Variants in HMGCS2 observed in about 807,000 individuals in gnomAD.
HMGCS2 encodes hydroxymethylglutaryl-CoA synthase, mitochondrial.
Under a neutral mutation model 57.4 loss-of-function variants are expected in HMGCS2, and 50 were observed. The observed-to-expected ratio is 0.87, with a 90% confidence interval of 0.69 to 1.10. The LOEUF (loss-of-function observed/expected upper bound fraction) is 1.10. Among genes scored for constraint, HMGCS2 ranks in the 50% least tolerant of loss-of-function variants. The probability of loss-of-function intolerance (pLI) is 0.00; values close to 1 mark genes in which losing one functional copy is unlikely to be tolerated. For synonymous variants in HMGCS2, 254 were observed against 245.1 expected (o/e 1.04, Z -0.34); for missense variants, 627 against 636.5 (o/e 0.99, Z 0.16).
In HMGCS2 at chr1:119,750,914, G is replaced by A; in HGVS notation, c.1421-6C>T. The A allele has an allele frequency of 6.5e-7, 1 of 1,531,298 alleles. No homozygotes were observed. The highest frequency in any genetic ancestry group is 9.1e-7 in the Non-Finnish European group (1 of 1,104,704). The allele number at this position is 1,531,298 out of a possible 1,614,324, so 94.9% of individuals were successfully genotyped here. On this transcript the variant is annotated splice_polypyrimidine_tract_variant and splice_region_variant and intron_variant, in intron 8 of 9. Transcript: ENST00000369406. ...ACCAGGTGGGGAGAAATTCACTGTGGAATGAGGAGAAGAGGCAGTACTCAC... is the reference window on the plus strand; with the variant it reads ...ACCAGGTGGGGAGAAATTCACTGTGAAATGAGGAGAAGAGGCAGTACTCAC...
intron 1 of HMGCS2, among the ~76,000 whole-genome samples, chr1:119,765,233 T>A (rs941781976): frequency 6.6e-6 from 1 of 152,084 alleles, no homozygotes; most frequent in South Asian, 2.1e-4. Context: ...CTCAGCCTCC[T>A]GAGTAGCTGG....
intron 4 of HMGCS2, 140 bp downstream of exon 4, chr1:119,758,978 A>G: frequency 1.1e-6 from 1 of 873,876 alleles, no homozygotes; most frequent in Non-Finnish European, 1.9e-6. Context: ...CCCAGGGAAG[A>G]GTGTAAGAAA....
At chr1:119,752,471 C>T (rs12068042) in intron 8 of HMGCS2, 78 bp downstream of exon 8, 2 of 1,518,032 alleles carry the variant, frequency 1.3e-6, no homozygotes, top group Non-Finnish European at 1.8e-6. Flanking sequence ...CTACTAAATT[C>T]TAGATTTCCA....
Position 119,749,193 on chromosome 1 carries a change from A to G in HMGCS2, c.*6-352T>C, listed in dbSNP as rs1652558532. On this transcript the variant is annotated intron_variant, in intron 9 of 9. Transcript: ENST00000369406. ...TCTCATTGTTGGAAGTTCACTGCTC[A>G]TATTAATAATCAACATGAGAAAAGG... Among the ~76,000 whole-genome samples the G allele has an allele frequency of 3.3e-5, 5 of 152,340 alleles. No homozygotes were observed. The South Asian group carries it at 1.0e-3, about 32-fold the overall frequency.
intron 5 of HMGCS2, among the ~76,000 whole-genome samples, chr1:119,756,912 C>A (rs1166898851): frequency 1.3e-5 from 2 of 152,098 alleles, no homozygotes; most frequent in East Asian, 3.9e-4. Context: ...GAGGTTAATA[C>A]GATGTCTAGC....
intron 1 of HMGCS2, among the ~76,000 whole-genome samples, chr1:119,765,088 CT>C (rs891698431): frequency 4.0e-5 from 6 of 151,594 alleles, no homozygotes; most frequent in African/African-American, 1.5e-4. Context: ...GGAACTAAAT[CT>C]TTTTTTTTCT....
intron 9 of HMGCS2, 78 bp downstream of exon 9, chr1:119,750,719 C>A: frequency 1.1e-6 from 1 of 900,252 alleles, no homozygotes; most frequent in East Asian, 2.5e-5. Context: ...GCACCTGTCC[C>A]CACCTTCTCT....
At position 119,750,880 on chromosome 1, in the gene HMGCS2, G is replaced by A; in HGVS notation, c.1449C>T (p.Asn483=). 6.2e-7 allele frequency: 1 copy of A among 1,613,438 alleles called. No homozygotes were observed. Among genetic ancestry groups the A allele is most frequent in the Non-Finnish European group, 8.5e-7 (1 of 1,179,366 alleles). Residue 483 remains asparagine (N), a synonymous_variant, in exon 9 of 10, where the codon AAC becomes AAT. Coordinates refer to ENST00000369406, the MANE Select transcript of HMGCS2 (RefSeq NM_005518.4). Reference sequence around the variant, plus strand: ...GGTACCAAGTACCTGGGAAAAGGCTGTTTGTGTCACCAGGTGGGGAGAAAT... The same window carrying A: ...GGTACCAAGTACCTGGGAAAAGGCTATTTGTGTCACCAGGTGGGGAGAAAT... ...KVNFSPPGDT[N]SLFPGTWYLE...
Position 119,749,576 on chromosome 1 carries a change from C to T in HMGCS2, c.*6-735G>A, listed in dbSNP as rs1032711898. On this transcript the variant is annotated intron_variant, in intron 9 of 9. Transcript: ENST00000369406. Reference sequence around the variant, plus strand: ...AGCTCGTCCTCTCAAAGGCATCCTGCGGCCCTCAGCCCACTTGTCCACCTC... The same window carrying T: ...AGCTCGTCCTCTCAAAGGCATCCTGTGGCCCTCAGCCCACTTGTCCACCTC... Among the ~76,000 whole-genome samples the T allele has an allele frequency of 4.6e-5, 7 of 152,158 alleles. No homozygotes were observed. In the East Asian group the frequency reaches 7.7e-4, roughly 17 times the overall value.
intron 2 of HMGCS2, among the ~76,000 whole-genome samples, chr1:119,763,682 G>A (rs954620096): frequency 1.3e-5 from 2 of 152,206 alleles, no homozygotes; most frequent in African/African-American, 2.4e-5. Context: ...CCACCTAAGG[G>A]AGAAAGAGTA....
chr1:119,750,765 T>G, intron 9 of HMGCS2, 32 bp downstream of exon 9: 1 of 1,398,776 alleles, frequency 7.1e-7, no homozygotes, highest in Non-Finnish European at 1.0e-6. Flanking sequence ...CATTAGGGTT[T>G]TATGCCACCA....
chr1:119,753,519 C>T (rs1652733719), intron 6 of HMGCS2, 133 bp from the exon 7 acceptor site: 2 of 653,602 alleles, frequency 3.1e-6, no homozygotes, highest in African/African-American at 3.6e-5. Flanking sequence ...TTCTCCCTGT[C>T]TACCTCATGC....
intron 5 of HMGCS2, among the ~76,000 whole-genome samples, chr1:119,756,537 T>G (rs1652843972): frequency 6.6e-6 from 1 of 152,210 alleles, no homozygotes; most frequent in Non-Finnish European, 1.5e-5. Flanking sequence ...CTACTGTTGA[T>G]AAAATTGACC....
intron 5 of HMGCS2, among the ~76,000 whole-genome samples, chr1:119,755,806 A>T (rs1652819970): frequency 6.6e-6 from 1 of 152,170 alleles, no homozygotes; most frequent in Non-Finnish European, 1.5e-5. Flanking sequence ...GGTGGAATCC[A>T]TCCCTAATTT....
Position 119,768,885 on chromosome 1 carries a change from A to C in HMGCS2, c.-41T>G. 1 of 1,464,168 alleles carries C rather than the reference A, an allele frequency of 6.8e-7. No individual in the cohort carries two copies. The highest frequency in any genetic ancestry group is 9.6e-7 in the Non-Finnish European group (1 of 1,045,680). 90.7% of individuals were successfully genotyped at this position (1,464,168 alleles called of 1,614,324 possible). On this transcript the variant is annotated 5_prime_UTR_variant, in exon 1 of 10. Coordinates refer to ENST00000369406, the MANE Select transcript of HMGCS2 (RefSeq NM_005518.4). ...CAGAAACCCAGCAGTTCAGAAACCC[A>C]GCAGAAACCTTGAAAGAGATGCCCA...
intron 9 of HMGCS2, among the ~76,000 whole-genome samples, chr1:119,749,389 T>G (rs1326577408): frequency 7.6e-6 from 1 of 131,314 alleles, no homozygotes; most frequent in Non-Finnish European, 1.7e-5. Flanking sequence ...TCTCTCTCCC[T>G]TTCCCCCCTC....
chr1:119,763,889 A>G (rs1571041629), intron 2 of HMGCS2, among the ~76,000 whole-genome samples: 1 of 152,186 alleles, frequency 6.6e-6, no homozygotes, highest in East Asian at 1.9e-4. Context: ...GCCACTCACT[A>G]TGTGTAAGCT....
At chr1:119,757,839 A>T (rs972161454) in intron 4 of HMGCS2, among the ~76,000 whole-genome samples, 3 of 152,240 alleles carry the variant, frequency 2.0e-5, no homozygotes, top group Non-Finnish European at 4.4e-5. Context: ...TCTCACTCTG[A>T]AGAAGAGGGC....
intron 5 of HMGCS2, 112 bp downstream of exon 5, chr1:119,757,161 G>T: frequency 1.3e-6 from 2 of 1,552,774 alleles, no homozygotes; most frequent in Non-Finnish European, 8.8e-7. Context: ...TCTGCTGGAG[G>T]ATTGCCATTT....
Sources: allele counts gnomAD v4.1 joint callset (sites outside exome capture counted in the v4.1 genomes callset), GRCh38; gene constraint gnomAD v4.1.1; transcripts MANE v1.5; gene names NCBI Gene and HGNC (gene_info 2026-07-23, HGNC 2026-07-21).